COL25A1: variants seen among roughly 807,000 people sequenced by gnomAD.
COL25A1 encodes collagen type XXV alpha 1 chain, also known as collagen alpha-1(XXV) chain.
COL25A1 carries 103 observed loss-of-function variants against 128.4 expected under a neutral mutation model. The ratio of observed to expected loss-of-function variants is 0.80; its 90% CI spans 0.68 to 0.94. The LOEUF is 0.94. Among genes scored for constraint, COL25A1 ranks in the 40% least tolerant of loss-of-function variants. The pLI is 0.00. For synonymous variants in COL25A1, 279 were observed against 277.2 expected (o/e 1.01, Z -0.06); for missense variants, 745 against 840.0 (o/e 0.89, Z 1.40).
At position 108,859,643 on chromosome 4, in the gene COL25A1, A is replaced by G; in HGVS notation, c.1320+13T>C. The G allele has an allele frequency of 6.2e-7, 1 of 1,611,630 alleles. No individual in the cohort carries two copies. The highest frequency in any genetic ancestry group is 8.5e-7 in the Non-Finnish European group (1 of 1,178,494). ...CTTCTCAGTGTGTGTCAGGGCAGGG[A>G]CCAGTCACTTGCCTGTAAGGCTTCG... On this transcript the variant is annotated intron_variant, in intron 24 of 37. Transcript: ENST00000399132.
rs151006760 is a variant in COL25A1, at chr4:109,053,943, C to T, written c.368-3764G>A. 3.7e-3 allele frequency among the ~76,000 whole-genome samples: 559 copies of T among 152,122 alleles called. 3 individuals carry two copies. The highest frequency in any genetic ancestry group is 0.01 in the African/African-American group (434 of 41,486). On this transcript the variant is annotated intron_variant, in intron 3 of 37. Coordinates refer to ENST00000399132, the MANE Select transcript of COL25A1 (RefSeq NM_198721.4). ...CGCCCTGGGTGATTGTGCTTAGGTG[C>T]GTTGTCATAAATACCCGAGAATAGG...
chr4:108,826,744 A>C (rs1378083686), intron 33 of COL25A1, among the ~76,000 whole-genome samples: 2 of 152,178 alleles, frequency 1.3e-5, no homozygotes, highest in South Asian at 2.1e-4. Flanking sequence ...AGTCTGAAGA[A>C]GGCTGTTTTC....
intron 8 of COL25A1, among the ~76,000 whole-genome samples, chr4:108,949,364 T>C (rs1484727417): frequency 6.6e-6 from 1 of 152,158 alleles, no homozygotes; most frequent in Non-Finnish European, 1.5e-5. Flanking sequence ...AAAAGTTTTA[T>C]AAATATTAAC....
At chr4:109,165,828 G>T (rs2126125175) in intron 3 of COL25A1, among the ~76,000 whole-genome samples, 1 of 152,292 alleles carries the variant, frequency 6.6e-6, no homozygotes, top group South Asian at 2.1e-4. Flanking sequence ...AGTAAATTAA[G>T]TGTAATTTTA....
intron 8 of COL25A1, among the ~76,000 whole-genome samples, chr4:108,966,037 T>A (rs1184580923): frequency 6.6e-6 from 1 of 152,198 alleles, no homozygotes; most frequent in Non-Finnish European, 1.5e-5. Context: ...AATTTTCGAA[T>A]AGGTGCTATT....
chr4:109,115,128 A>C (rs1767414868), intron 3 of COL25A1, among the ~76,000 whole-genome samples: 1 of 152,148 alleles, frequency 6.6e-6, no homozygotes. Context: ...AGTCAAAACA[A>C]GGTATAACAT....
chr4:109,050,311 G>T, intron 3 of COL25A1, 132 bp from the exon 4 acceptor site: 1 of 627,478 alleles, frequency 1.6e-6, no homozygotes. Context: ...TCAGATATTT[G>T]TAAAGGTCAG....
intron 3 of COL25A1, among the ~76,000 whole-genome samples, chr4:109,137,974 TTA>T (rs71594161): frequency 3.4e-5 from 5 of 145,532 alleles, no homozygotes; most frequent in African/African-American, 5.2e-5. Context: ...AAATTTCATT[TTA>T]TATATATATG....
rs751807944 is a variant in COL25A1, at chr4:109,302,024, G to A, written c.-5C>T. On this transcript the variant is annotated 5_prime_UTR_variant, in exon 2 of 38. Transcript: ENST00000399132. ...TGCGTGCTTCTTCAGCAGCATCGTG[G>A]CGGGGTCGGCCGTCTCGGCTTCGCT... The A allele has an allele frequency of 6.3e-7, 1 of 1,577,212 alleles. No individual in the cohort carries two copies. Among genetic ancestry groups the A allele is most frequent in the Non-Finnish European group, 8.6e-7 (1 of 1,165,324 alleles).
chr4:109,236,826 G>A (rs1206178190), intron 3 of COL25A1, among the ~76,000 whole-genome samples: 1 of 151,922 alleles, frequency 6.6e-6, no homozygotes, highest in Admixed American at 6.6e-5. Flanking sequence ...TGCTGGATAT[G>A]AGTCTTTATT....
chr4:108,923,578 T>C (rs1745711745), intron 11 of COL25A1, among the ~76,000 whole-genome samples: 2 of 152,190 alleles, frequency 1.3e-5, no homozygotes, highest in Non-Finnish European at 2.9e-5. Flanking sequence ...ACTCCTGGCC[T>C]CAAACGATCC....
intron 6 of COL25A1, among the ~76,000 whole-genome samples, chr4:108,995,340 G>A (rs1003509462): frequency 1.1e-4 from 16 of 152,064 alleles, no homozygotes; most frequent in African/African-American, 3.4e-4. Context: ...TTCAATAGTC[G>A]ATTCAATCAA....
At chr4:109,202,229 G>A (rs2126182924) in intron 3 of COL25A1, among the ~76,000 whole-genome samples, 1 of 152,196 alleles carries the variant, frequency 6.6e-6, no homozygotes, top group East Asian at 1.9e-4. Flanking sequence ...TATAAAGCCA[G>A]AGTTATCAAG....
chr4:109,277,304 G>A (rs1290533745), intron 3 of COL25A1, among the ~76,000 whole-genome samples: 1 of 152,180 alleles, frequency 6.6e-6, no homozygotes, highest in East Asian at 1.9e-4. Flanking sequence ...AGAGAAACTT[G>A]TGTATAAAGT....
intron 3 of COL25A1, among the ~76,000 whole-genome samples, chr4:109,180,082 G>A (rs1444138776): frequency 3.3e-5 from 5 of 152,168 alleles, no homozygotes; most frequent in Admixed American, 3.3e-4. Context: ...TCTGGTTAGA[G>A]TGAAGCCTTC....
intron 3 of COL25A1, among the ~76,000 whole-genome samples, chr4:109,067,929 T>C (rs1017276241): frequency 3.9e-5 from 6 of 152,222 alleles, no homozygotes; most frequent in East Asian, 3.8e-4. Flanking sequence ...AGTGACTTCA[T>C]TGGGTAATCC....
At chr4:109,199,366 G>A (rs2345416) in intron 3 of COL25A1, among the ~76,000 whole-genome samples, 75,576 of 151,706 alleles carry the variant, frequency 0.5, 21,559 homozygotes, top group Non-Finnish European at 0.65. Flanking sequence ...AGTTGGTTTC[G>A]TACTCTGGGC....
At chr4:109,147,501 G>A (rs1451866728) in intron 3 of COL25A1, among the ~76,000 whole-genome samples, 1 of 152,036 alleles carries the variant, frequency 6.6e-6, no homozygotes, top group Non-Finnish European at 1.5e-5. Flanking sequence ...TTTTATTCTG[G>A]GTCTATACTG....
intron 3 of COL25A1, among the ~76,000 whole-genome samples, chr4:109,218,055 T>C (rs7675810): frequency 0.086 from 13,139 of 152,214 alleles, 1,179 homozygotes; most frequent in African/African-American, 0.23. Flanking sequence ...CTTTATGCAC[T>C]ATTCTATATT....
Sources: gnomAD v4.1 joint callset for allele counts (sites outside exome capture counted in the v4.1 genomes callset) on GRCh38, gnomAD v4.1.1 for gene constraint, MANE v1.5 for transcripts, NCBI Gene and HGNC (gene_info 2026-07-23, HGNC 2026-07-21) for gene names.